The following GALNT13 variants were observed in gnomAD, a reference collection of about 807,000 sequenced individuals.
GALNT13 encodes the protein UDP-GalNAc:polypeptide N-acetylgalactosaminyltransferase 13.
A neutral mutation model predicts 64.2 loss-of-function variants in GALNT13; 28 were observed. That is an observed-to-expected ratio of 0.44 (90% CI 0.32 to 0.60). The LOEUF is 0.60. GALNT13 is among the 20% of genes least tolerant of loss of function. GALNT13 has a pLI of 0.05. For synonymous variants in GALNT13, 214 were observed against 224.6 expected, an observed-to-expected ratio of 0.95 and a Z score of 0.42; for missense variants, 577 against 669.8, an observed-to-expected ratio of 0.86 and a Z score of 1.53.
At chr2:153,956,435 C>G (rs1329159884) in intron 3 of GALNT13, among the ~76,000 whole-genome samples, 1 of 152,170 alleles carries the variant, frequency 6.6e-6, no homozygotes, top group East Asian at 1.9e-4. Context: ...TCCATACATT[C>G]TCCTTTACTA....
At chr2:153,990,759 A>G (rs1695107778) in intron 3 of GALNT13, among the ~76,000 whole-genome samples, 1 of 152,214 alleles carries the variant, frequency 6.6e-6, no homozygotes. Flanking sequence ...TCCTAGCCAT[A>G]CAGCTTACAA....
At chr2:154,127,258 T>G (rs1682337800) in intron 3 of GALNT13, among the ~76,000 whole-genome samples, 1 of 152,016 alleles carries the variant, frequency 6.6e-6, no homozygotes, top group Non-Finnish European at 1.5e-5. Flanking sequence ...TAAATAGATA[T>G]TAAAGCTGTT....
At chr2:153,195,653 C>T in the GALNT13 span, among the ~76,000 whole-genome samples, 1 of 152,362 alleles carries the variant, frequency 6.6e-6, no homozygotes, top group South Asian at 2.1e-4. Flanking sequence ...CAAAGGGCCA[C>T]AGCTCTTCTC....
chr2:153,296,347 C>T, the GALNT13 span, among the ~76,000 whole-genome samples: 1 of 151,988 alleles, frequency 6.6e-6, no homozygotes, highest in East Asian at 1.9e-4. Context: ...CTTAAGATAC[C>T]GAGAAAATAC....
At chr2:154,446,648 G>A (rs1237060930) in intron 12 of GALNT13, 7 of 1,548,704 alleles carry the variant, frequency 4.5e-6, no homozygotes, top group Non-Finnish European at 6.1e-6. Context: ...ATCCTACTGT[G>A]GAAACCTGTA....
the GALNT13 span, among the ~76,000 whole-genome samples, chr2:153,768,759 G>A: frequency 4.6e-5 from 7 of 152,070 alleles, no homozygotes; most frequent in South Asian, 2.1e-4. Context: ...CCAACTACTC[G>A]GAAGGCTGAG....
the GALNT13 span, among the ~76,000 whole-genome samples, chr2:153,202,001 G>A: frequency 1.6e-5 from 2 of 126,500 alleles, no homozygotes; most frequent in Admixed American, 8.8e-5. Flanking sequence ...TTTTTGAGAC[G>A]GAGTTTCGCT....
At chr2:153,919,255 C>T (rs890253812) in intron 2 of GALNT13, among the ~76,000 whole-genome samples, 1 of 151,928 alleles carries the variant, frequency 6.6e-6, no homozygotes, top group African/African-American at 2.4e-5. Context: ...TCCATGTCTT[C>T]AATTTCCATT....
intron 3 of GALNT13, among the ~76,000 whole-genome samples, chr2:153,965,845 T>TC (rs1277779278): frequency 6.6e-6 from 1 of 151,638 alleles, no homozygotes; most frequent in Non-Finnish European, 1.5e-5. Context: ...TTTCATTCCA[T>TC]CCCCCTAACT....
At chr2:153,961,968 G>A (rs1204823979) in intron 3 of GALNT13, among the ~76,000 whole-genome samples, 1 of 152,116 alleles carries the variant, frequency 6.6e-6, no homozygotes, top group African/African-American at 2.4e-5. Flanking sequence ...ATTGAATAAC[G>A]AATGCATGAT....
intron 4 of GALNT13, among the ~76,000 whole-genome samples, chr2:154,147,843 A>G (rs1274061293): frequency 6.7e-6 from 1 of 149,386 alleles, no homozygotes; most frequent in Non-Finnish European, 1.5e-5. Context: ...TTAAAATATT[A>G]TCCACTATCA....
chr2:153,598,137 T>C, the GALNT13 span, among the ~76,000 whole-genome samples: 8 of 152,112 alleles, frequency 5.3e-5, no homozygotes, highest in Non-Finnish European at 7.4e-5. Context: ...ACCACTCTTG[T>C]GCTCAAAGCC....
the GALNT13 span, among the ~76,000 whole-genome samples, chr2:153,816,968 A>G: frequency 6.6e-6 from 1 of 152,204 alleles, no homozygotes; most frequent in East Asian, 1.9e-4. Context: ...GCCCCAGTAG[A>G]GACAGTGCCT....
chr2:153,307,820 G>A, the GALNT13 span, among the ~76,000 whole-genome samples: 1 of 152,010 alleles, frequency 6.6e-6, no homozygotes, highest in Admixed American at 6.6e-5. Context: ...GATACTGGCT[G>A]TCTATATAAA....
chr2:154,287,128 G>A, intron 8 of GALNT13: 1 of 1,292,334 alleles, frequency 7.7e-7, no homozygotes, highest in Middle Eastern at 2.6e-4. Flanking sequence ...TGACACATCT[G>A]ACCTTTGAGA....
chr2:153,175,865 C>T, the GALNT13 span, among the ~76,000 whole-genome samples: 1 of 152,054 alleles, frequency 6.6e-6, no homozygotes, highest in Non-Finnish European at 1.5e-5. Flanking sequence ...TGAGGACCAG[C>T]TAAAGATTGA....
chr2:153,748,864 A>T, the GALNT13 span, among the ~76,000 whole-genome samples: 1 of 151,680 alleles, frequency 6.6e-6, no homozygotes, highest in Non-Finnish European at 1.5e-5. Flanking sequence ...TTATAATGAT[A>T]CCTGGAAAAA....
At chr2:153,433,700 C>G in the GALNT13 span, among the ~76,000 whole-genome samples, 6 of 152,054 alleles carry the variant, frequency 3.9e-5, no homozygotes, top group African/African-American at 1.4e-4. Context: ...AAAAATTGAA[C>G]CAACTCTCCA....
At chr2:153,372,198 G>A in the GALNT13 span, among the ~76,000 whole-genome samples, 1 of 152,116 alleles carries the variant, frequency 6.6e-6, no homozygotes, top group African/African-American at 2.4e-5. Context: ...CGTATTTAAT[G>A]GGTAAAATTT....
Sources: allele counts gnomAD v4.1 joint callset (sites outside exome capture counted in the v4.1 genomes callset), GRCh38; gene constraint gnomAD v4.1.1; transcripts MANE v1.5; gene names NCBI Gene and HGNC (gene_info 2026-07-23, HGNC 2026-07-21).